Variants in FAM120A observed in about 807,000 individuals in gnomAD.
FAM120A encodes the protein family with sequence similarity 120 member A, also known as constitutive coactivator of PPAR-gamma-like protein 1.
A neutral mutation model predicts 109.7 loss-of-function variants in FAM120A; 15 were observed. The ratio of observed to expected loss-of-function variants is 0.14; its 90% CI spans 0.09 to 0.21. FAM120A has a LOEUF of 0.21. Among genes scored for constraint, FAM120A ranks in the 10% least tolerant of loss-of-function variants. The pLI is 1.00. For missense variants in FAM120A, 899 were observed against 1,439.3 expected (o/e 0.62, Z 6.07); for synonymous variants, 493 against 572.8 (o/e 0.86, Z 1.99).
rs115431170 is a variant in FAM120A at position 93,479,526 on chromosome 9, C to T, written c.804+3188C>T. Among the ~76,000 whole-genome samples the T allele has an allele frequency of 8.4e-3, 1,275 of 152,234 alleles. 11 individuals carry two copies. Among genetic ancestry groups the T allele is most frequent in the African/African-American group, 0.029 (1,194 of 41,536 alleles). On this transcript the variant is annotated intron_variant, in intron 3 of 17. Transcript: ENST00000277165. The stretch of plus-strand genomic sequence containing the variant: ...GCTTAAGCTTGAGGATGCAAAGTCA[C>T]GTGTCCTTAACAGCTATTTTTCCAG...
intron 2 of FAM120A, among the ~76,000 whole-genome samples, chr9:93,473,765 G>T (rs1858420793): frequency 6.6e-6 from 1 of 152,144 alleles, no homozygotes; most frequent in Non-Finnish European, 1.5e-5. Flanking sequence ...GGGATTTGGG[G>T]ATTAAAACGA....
intron 14 of FAM120A, 115 bp downstream of exon 14, chr9:93,558,125 G>A: frequency 1.8e-6 from 2 of 1,112,454 alleles, no homozygotes; most frequent in Non-Finnish European, 2.5e-6. Context: ...GTTGGTCTTG[G>A]AGATCCTGCA....
chr9:93,504,792 G>C (rs559188160), intron 5 of FAM120A, among the ~76,000 whole-genome samples: 1 of 152,274 alleles, frequency 6.6e-6, no homozygotes, highest in Admixed American at 6.5e-5. Context: ...TGGAATTCCA[G>C]GGAACCTCCA....
intron 3 of FAM120A, among the ~76,000 whole-genome samples, chr9:93,491,995 C>T (rs1429897665): frequency 6.6e-6 from 1 of 152,122 alleles, no homozygotes; most frequent in Non-Finnish European, 1.5e-5. Flanking sequence ...CTTTAACCCT[C>T]CTGCGTAGTT....
At chr9:93,490,419 G>C (rs1427638841) in intron 3 of FAM120A, among the ~76,000 whole-genome samples, 1 of 152,190 alleles carries the variant, frequency 6.6e-6, no homozygotes, top group African/African-American at 2.4e-5. Flanking sequence ...GTCAGACCCT[G>C]TCAAATGATC....
intron 12 of FAM120A, among the ~76,000 whole-genome samples, chr9:93,554,435 C>T (rs779031289): frequency 1.4e-4 from 21 of 151,972 alleles, no homozygotes; most frequent in Non-Finnish European, 2.5e-4. Flanking sequence ...TTTGGGAGGC[C>T]GAGGATCTTC....
At chr9:93,521,687 A>G (rs1011428851) in intron 7 of FAM120A, among the ~76,000 whole-genome samples, 2 of 152,114 alleles carry the variant, frequency 1.3e-5, no homozygotes, top group Non-Finnish European at 2.9e-5. Flanking sequence ...ACCAGCATAC[A>G]CTTGCTTTAT....
Position 93,550,669 on chromosome 9 carries a change from C to G in FAM120A, c.2252C>G (p.Pro751Arg). 1 of 1,613,878 alleles carries G rather than the reference C, an allele frequency of 6.2e-7. No individual in the cohort carries two copies. Among genetic ancestry groups the G allele is most frequent in the Non-Finnish European group, 8.5e-7 (1 of 1,179,970 alleles). The change falls in exon 12 of 18, where the codon CCT becomes CGT. Residue 751 changes from proline (P) to arginine (R), a missense_variant. Transcript: ENST00000277165. ...GCGCTGTCCCCCAAACTCTACGAGCCTGATCAGCTCCAGGAGCTCAAGGTA... is the reference window on the plus strand; with the variant it reads ...GCGCTGTCCCCCAAACTCTACGAGCGTGATCAGCTCCAGGAGCTCAAGGTA... ...AQALSPKLYEPDQLQELKIEN... is the reference protein window; with the variant it reads ...AQALSPKLYERDQLQELKIEN...
chr9:93,563,941 A>G (rs1358515824), intron 17 of FAM120A, among the ~76,000 whole-genome samples: 2 of 152,216 alleles, frequency 1.3e-5, no homozygotes, highest in Non-Finnish European at 2.9e-5. Context: ...TACTTTAAAC[A>G]ATTTAGTGCC....
chr9:93,529,105 G>A (rs941785679), intron 8 of FAM120A, among the ~76,000 whole-genome samples: 37 of 152,190 alleles, frequency 2.4e-4, no homozygotes, highest in Non-Finnish European at 2.9e-5. Context: ...GGGAGCAACA[G>A]GCCCGCTCTC....
intron 5 of FAM120A, among the ~76,000 whole-genome samples, chr9:93,504,672 A>G (rs1247055603): frequency 6.6e-6 from 1 of 152,106 alleles, no homozygotes; most frequent in Non-Finnish European, 1.5e-5. Flanking sequence ...TTGTATTAAT[A>G]TATATTTGTC....
intron 3 of FAM120A, among the ~76,000 whole-genome samples, chr9:93,476,831 C>G (rs1192382973): frequency 6.6e-6 from 1 of 152,070 alleles, no homozygotes; most frequent in African/African-American, 2.4e-5. Flanking sequence ...ACTTAATATT[C>G]TTTTTCTCCC....
At chr9:93,463,519 C>CT (rs1564307580) in intron 1 of FAM120A, among the ~76,000 whole-genome samples, 1 of 152,134 alleles carries the variant, frequency 6.6e-6, no homozygotes, top group Non-Finnish European at 1.5e-5. Flanking sequence ...TTGGAGTTGA[C>CT]TTTTTTTAAT....
intron 10 of FAM120A, among the ~76,000 whole-genome samples, chr9:93,535,688 G>A (rs1438557871): frequency 6.6e-6 from 1 of 152,020 alleles, no homozygotes; most frequent in Non-Finnish European, 1.5e-5. Flanking sequence ...TTCAAGAGGG[G>A]GAAACAAGCC....
rs544670498 is a variant in FAM120A at position 93,452,438 on chromosome 9, C to A, written c.474+49C>A. The A allele has an allele frequency of 1.3e-6, 2 of 1,563,120 alleles. No homozygotes were observed. Among genetic ancestry groups the A allele is most frequent in the South Asian group, 2.3e-5 (2 of 86,546 alleles). On this transcript the variant is annotated intron_variant, in intron 1 of 17. Transcript: ENST00000277165. This position sits in a 1 kb window ranked among gnomAD's most constrained non-coding sequence, Gnocchi z 7.0. ...CCGGGGACCGGGGCCGCGCCGCACC[C>A]CTATCCCCCTTCCCAGGGCGCAGAA...
chr9:93,563,845 T>C (rs10821160), intron 17 of FAM120A, among the ~76,000 whole-genome samples: 40,533 of 152,214 alleles, frequency 0.27, 6,714 homozygotes, highest in East Asian at 0.36. Flanking sequence ...CTGCTGCACA[T>C]CACAGGCAGA....
chr9:93,487,034 G>A (rs1407577608), intron 3 of FAM120A, among the ~76,000 whole-genome samples: 1 of 152,138 alleles, frequency 6.6e-6, no homozygotes, highest in African/African-American at 2.4e-5. Context: ...TTTGATGACT[G>A]ATGATGTTGA....
chr9:93,451,714 G>GGCGGCA lies in FAM120A; in HGVS notation c.-200_-195dup, dbSNP rs1365501056. 5 of 982,898 alleles carry GGCGGCA rather than the reference G, an allele frequency of 5.1e-6. No individual in the cohort carries two copies. The highest frequency in any genetic ancestry group is 2.3e-4 in the East Asian group (2 of 8,692). 60.9% of individuals were successfully genotyped at this position (982,898 alleles called of 1,614,324 possible). A position where few individuals can be genotyped will look rare whatever the true frequency, so the allele number is the denominator to read the frequency against. On this transcript the variant is annotated 5_prime_UTR_variant, in exon 1 of 18. Coordinates refer to ENST00000277165, the MANE Select transcript of FAM120A (RefSeq NM_014612.5). ...GCCTCGCAGCGGCGGCAGCGGCGGC[G>GGCGGCA]GCGGCAGGTCCCTCCCCAGACATGG...
At chr9:93,523,836 G>A (rs1269799008) in intron 7 of FAM120A, among the ~76,000 whole-genome samples, 1 of 152,260 alleles carries the variant, frequency 6.6e-6, no homozygotes, top group African/African-American at 2.4e-5. Flanking sequence ...GAAGGAAACT[G>A]AATGTGTGAT....
Sources: allele counts gnomAD v4.1 joint callset (sites outside exome capture counted in the v4.1 genomes callset), GRCh38; gene constraint gnomAD v4.1.1; non-coding constraint Gnocchi (gnomAD v3.1); transcripts MANE v1.5; gene names NCBI Gene and HGNC (gene_info 2026-07-23, HGNC 2026-07-21).